Variants in OSBPL8 observed in about 807,000 individuals in gnomAD.
OSBPL8 encodes oxysterol binding protein like 8.
A neutral mutation model predicts 125.5 loss-of-function variants in OSBPL8; 59 were observed. The ratio of observed to expected loss-of-function variants is 0.47; its 90% CI spans 0.38 to 0.58. The LOEUF is 0.58. Ranked by LOEUF, OSBPL8 falls within the 20% of genes least tolerant of loss-of-function variation. The pLI, the probability that OSBPL8 is intolerant of heterozygous loss-of-function variation, is 0.00. For synonymous variants in OSBPL8, 330 were observed against 338.9 expected (o/e 0.97, Z 0.29); for missense variants, 758 against 1,047.8 (o/e 0.72, Z 3.82).
intron 1 of OSBPL8, among the ~76,000 whole-genome samples, chr12:76,546,437 T>C (rs1950785375): frequency 6.6e-6 from 1 of 152,254 alleles, no homozygotes; most frequent in Non-Finnish European, 1.5e-5. Flanking sequence ...AGCCATCATT[T>C]CCCAAATAAT....
At chr12:76,366,829 C>T (rs1952434471) in intron 21 of OSBPL8, among the ~76,000 whole-genome samples, 2 of 152,134 alleles carry the variant, frequency 1.3e-5, no homozygotes, top group Non-Finnish European at 2.9e-5. Flanking sequence ...CAAAGTCTCA[C>T]TCTGTTGCCC....
chr12:76,477,623 T>A (rs1876969236), intron 2 of OSBPL8, among the ~76,000 whole-genome samples: 1 of 152,172 alleles, frequency 6.6e-6, no homozygotes, highest in South Asian at 2.1e-4. Context: ...TAACGTGACG[T>A]CCTGAATTGG....
chr12:76,384,462 G>A, intron 14 of OSBPL8, 112 bp from the exon 15 acceptor site: 1 of 545,910 alleles, frequency 1.8e-6, no homozygotes, highest in Non-Finnish European at 2.9e-6. Context: ...GTCTTATAAT[G>A]AGTAAGAAAA....
chr12:76,443,461 G>A (rs1592691814), intron 4 of OSBPL8, among the ~76,000 whole-genome samples: 2 of 152,090 alleles, frequency 1.3e-5, no homozygotes, highest in East Asian at 1.9e-4. Flanking sequence ...TTAGTTAAAA[G>A]CAGAGGAGGA....
Position 76,389,628 on chromosome 12 carries a change from A to G in OSBPL8, c.1352+17T>C. ...TCATGAAGTATTGTCTATTTTAAGA[A>G]ATAAGAATCTACTTACTCAGATAGG... is the stretch of plus-strand genomic sequence containing the variant. On this transcript the variant is annotated intron_variant, in intron 12 of 23. Transcript: ENST00000261183. The G allele has an allele frequency of 4.0e-6, 6 of 1,492,986 alleles. No homozygotes were observed. Among genetic ancestry groups the G allele is most frequent in the South Asian group, 1.3e-5 (1 of 77,358 alleles). 92.5% of individuals were successfully genotyped at this position (1,492,986 alleles called of 1,614,324 possible). A position where few individuals can be genotyped will look rare whatever the true frequency, so the allele number is the denominator to read the frequency against.
chr12:76,378,663 G>A (rs1271418273), intron 15 of OSBPL8, 113 bp from the exon 16 acceptor site: 2 of 703,232 alleles, frequency 2.8e-6, no homozygotes, highest in Non-Finnish European at 4.8e-6. Flanking sequence ...TCTTAAAAAT[G>A]TCTCAATCTC....
At chr12:76,486,565 T>C (rs185162186) in intron 2 of OSBPL8, among the ~76,000 whole-genome samples, 2 of 152,286 alleles carry the variant, frequency 1.3e-5, no homozygotes, top group African/African-American at 4.8e-5. Flanking sequence ...TGGAGTAAAA[T>C]CTTTTTGTAC....
intron 2 of OSBPL8, among the ~76,000 whole-genome samples, chr12:76,472,664 C>CAGAGAGAGACAGGGAG (rs1159916882): frequency 5.3e-5 from 8 of 152,148 alleles, no homozygotes; most frequent in Admixed American, 6.5e-5. Flanking sequence ...GCAGCTGAGG[C>CAGAGAGAGACAGGGAG]AGAGAGAGAC....
intron 2 of OSBPL8, among the ~76,000 whole-genome samples, chr12:76,486,461 ACTTT>A (rs1878143690): frequency 6.6e-6 from 1 of 152,214 alleles, no homozygotes; most frequent in Non-Finnish European, 1.5e-5. Flanking sequence ...GGGCACCTTT[ACTTT>A]AGGTAACAGA....
At chr12:76,380,469 G>A (rs528581742) in intron 15 of OSBPL8, among the ~76,000 whole-genome samples, 3 of 142,022 alleles carry the variant, frequency 2.1e-5, no homozygotes, top group African/African-American at 5.1e-5. Context: ...AGGAGGCTGA[G>A]GTGAGAGGAT....
intron 1 of OSBPL8, among the ~76,000 whole-genome samples, chr12:76,559,056 C>T (rs933179478): frequency 6.6e-6 from 1 of 152,164 alleles, no homozygotes; most frequent in Non-Finnish European, 1.5e-5. Flanking sequence ...CTCTCCTGGG[C>T]GCGGGGGCTC....
intron 1 of OSBPL8, among the ~76,000 whole-genome samples, chr12:76,548,253 G>C: frequency 6.6e-6 from 1 of 152,086 alleles, no homozygotes. Context: ...GGAAATGAAA[G>C]TATATGTGAG....
intron 1 of OSBPL8, among the ~76,000 whole-genome samples, chr12:76,514,211 C>G (rs904146076): frequency 6.6e-5 from 10 of 152,148 alleles, no homozygotes; most frequent in African/African-American, 2.2e-4. Context: ...GTGGCGCGAT[C>G]TCAGCTCACT....
chr12:76,509,490 A>G (rs1880763447), intron 1 of OSBPL8, among the ~76,000 whole-genome samples: 1 of 152,232 alleles, frequency 6.6e-6, no homozygotes, highest in African/African-American at 2.4e-5. Context: ...AAAGAAAAAA[A>G]TCTAAGTGAA....
In OSBPL8 at chr12:76,369,307, TA is replaced by T; in HGVS notation, c.2241-7del. ...GTGGGTCCCATGGTCGGGTACTACA[TA>T]AATGAAAAAAAAAAAAACCATTTGC... On this transcript the variant is annotated splice_polypyrimidine_tract_variant and splice_region_variant and intron_variant, in intron 20 of 23. Coordinates refer to ENST00000261183, the MANE Select transcript of OSBPL8 (RefSeq NM_020841.5). The T allele has an allele frequency of 1.3e-6, 2 of 1,512,080 alleles. No homozygotes were observed. The highest frequency in any genetic ancestry group is 1.8e-6 in the Non-Finnish European group (2 of 1,140,050). 93.7% of individuals were successfully genotyped at this position (1,512,080 alleles called of 1,614,324 possible). A position where few individuals can be genotyped will look rare whatever the true frequency, so the allele number is the denominator to read the frequency against.
chr12:76,395,387 AT>A (rs1414674713), intron 8 of OSBPL8, among the ~76,000 whole-genome samples: 5 of 152,232 alleles, frequency 3.3e-5, no homozygotes, highest in Non-Finnish European at 5.9e-5. Flanking sequence ...TTAAAGTATA[AT>A]TTTGATACAA....
At chr12:76,365,760 A>G (rs2136169749) in intron 21 of OSBPL8, among the ~76,000 whole-genome samples, 1 of 152,260 alleles carries the variant, frequency 6.6e-6, no homozygotes, top group African/African-American at 2.4e-5. Context: ...ATGTTGAGGA[A>G]GTCTCTTCTC....
chr12:76,485,557 T>G (rs1347073702), intron 2 of OSBPL8, among the ~76,000 whole-genome samples: 1 of 152,162 alleles, frequency 6.6e-6, no homozygotes. Context: ...TGACTAAAAC[T>G]TTATTACTTT....
chr12:76,405,296 G>A (rs1391297652), intron 5 of OSBPL8, among the ~76,000 whole-genome samples: 1 of 151,856 alleles, frequency 6.6e-6, no homozygotes, highest in Non-Finnish European at 1.5e-5. Flanking sequence ...CCGTCTCTAT[G>A]AAAAATAAAA....
Sources: gnomAD v4.1 joint callset for allele counts (sites outside exome capture counted in the v4.1 genomes callset) on GRCh38, gnomAD v4.1.1 for gene constraint, MANE v1.5 for transcripts, NCBI Gene and HGNC (gene_info 2026-07-23, HGNC 2026-07-21) for gene names.